MAML3: variants seen among roughly 807,000 people sequenced by gnomAD.
The protein encoded by MAML3 is mastermind-like protein 3.
MAML3 carries 27 observed loss-of-function variants against 101.9 expected under a neutral mutation model. The ratio of observed to expected loss-of-function variants is 0.27; its 90% CI spans 0.20 to 0.37. The LOEUF is 0.37. Ranked by LOEUF, MAML3 falls within the 10% of genes least tolerant of loss-of-function variation. The pLI is 1.00. For synonymous variants in MAML3, 501 were observed against 555.9 expected, an observed-to-expected ratio of 0.90 and a Z score of 1.39; for missense variants, 1,316 against 1,444.9, an observed-to-expected ratio of 0.91 and a Z score of 1.45.
At chr4:140,123,289 G>T (rs1372827936) in intron 1 of MAML3, among the ~76,000 whole-genome samples, 1 of 151,794 alleles carries the variant, frequency 6.6e-6, no homozygotes, top group African/African-American at 2.4e-5. Context: ...TATTTATAAG[G>T]GATTGACAAT....
intron 4 of MAML3, among the ~76,000 whole-genome samples, chr4:139,722,119 G>A (rs1294623115): frequency 6.6e-6 from 1 of 152,186 alleles, no homozygotes; most frequent in Non-Finnish European, 1.5e-5. Flanking sequence ...ACTAGATACT[G>A]TCTGGAATAA....
intron 1 of MAML3, among the ~76,000 whole-genome samples, chr4:139,935,543 A>T (rs1028108394): frequency 6.6e-6 from 1 of 151,712 alleles, no homozygotes; most frequent in Admixed American, 6.6e-5. Flanking sequence ...AATCCATCAC[A>T]TCAAATATTG....
At chr4:140,131,928 T>C (rs1262894875) in intron 1 of MAML3, among the ~76,000 whole-genome samples, 1 of 152,258 alleles carries the variant, frequency 6.6e-6, no homozygotes, top group African/African-American at 2.4e-5. Context: ...CTCCAGTCTC[T>C]ATTTGAGACA....
At chr4:139,870,369 G>A (rs1182742308) in intron 2 of MAML3, among the ~76,000 whole-genome samples, 1 of 152,134 alleles carries the variant, frequency 6.6e-6, no homozygotes, top group Non-Finnish European at 1.5e-5. Flanking sequence ...TGTCCAGTTG[G>A]TGATTGGGGA....
At chr4:139,934,433 CA>C (rs890139493) in intron 1 of MAML3, among the ~76,000 whole-genome samples, 4 of 151,972 alleles carry the variant, frequency 2.6e-5, no homozygotes, top group Admixed American at 1.3e-4. Flanking sequence ...ACTGGAAATA[CA>C]GATTAACATG....
At chr4:139,855,945 T>C (rs572830990) in intron 2 of MAML3, among the ~76,000 whole-genome samples, 1 of 152,330 alleles carries the variant, frequency 6.6e-6, no homozygotes, top group Non-Finnish European at 1.5e-5. Flanking sequence ...TCTTTAACAC[T>C]GTTTGGATCC....
At chr4:140,051,984 G>T (rs1387300187) in intron 1 of MAML3, among the ~76,000 whole-genome samples, 1 of 152,178 alleles carries the variant, frequency 6.6e-6, no homozygotes, top group African/African-American at 2.4e-5. Context: ...ACCCCTGTGT[G>T]TTAATTTGTG....
At chr4:139,924,566 C>A (rs1294861035) in intron 1 of MAML3, among the ~76,000 whole-genome samples, 1 of 152,150 alleles carries the variant, frequency 6.6e-6, no homozygotes, top group Non-Finnish European at 1.5e-5. Flanking sequence ...AAACAGAAGT[C>A]ATATCCTATT....
At chr4:139,806,583 C>G (rs919745617) in intron 2 of MAML3, among the ~76,000 whole-genome samples, 1 of 150,938 alleles carries the variant, frequency 6.6e-6, no homozygotes, top group Non-Finnish European at 1.5e-5. Flanking sequence ...AACTTCCAAC[C>G]CAGAAATTGC....
intron 1 of MAML3, among the ~76,000 whole-genome samples, chr4:140,137,038 G>C (rs977456030): frequency 4.6e-5 from 7 of 152,326 alleles, no homozygotes; most frequent in Admixed American, 2.0e-4. Context: ...GCCCAGGCTG[G>C]ACTGCAGTGG....
chr4:139,813,868 C>G (rs188424887), intron 2 of MAML3, among the ~76,000 whole-genome samples: 2 of 152,242 alleles, frequency 1.3e-5, no homozygotes, highest in African/African-American at 4.8e-5. Context: ...GAAGATTCAC[C>G]CTTCTGATGA....
chr4:140,112,916 T>C (rs567817408), intron 1 of MAML3, among the ~76,000 whole-genome samples: 5 of 152,346 alleles, frequency 3.3e-5, no homozygotes, highest in Admixed American at 6.5e-5. Context: ...GAAACTTGCA[T>C]GCAATGCTCA....
intron 1 of MAML3, among the ~76,000 whole-genome samples, chr4:140,001,286 G>A (rs1734919279): frequency 6.6e-6 from 1 of 152,176 alleles, no homozygotes; most frequent in African/African-American, 2.4e-5. Flanking sequence ...AATGAAACCA[G>A]TTTGAAGGCT....
chr4:140,147,792 A>G (rs920526613), intron 1 of MAML3, among the ~76,000 whole-genome samples: 1 of 152,238 alleles, frequency 6.6e-6, no homozygotes, highest in Non-Finnish European at 1.5e-5. Context: ...CTTAACAAAC[A>G]GGGAACAGTA....
chr4:139,936,575 T>C (rs184733675), intron 1 of MAML3, among the ~76,000 whole-genome samples: 2 of 152,332 alleles, frequency 1.3e-5, no homozygotes, highest in East Asian at 3.9e-4. Flanking sequence ...CACACACTTG[T>C]AGTTCCACCT....
intron 1 of MAML3, among the ~76,000 whole-genome samples, chr4:139,949,888 T>C (rs901475489): frequency 6.6e-6 from 1 of 152,184 alleles, no homozygotes; most frequent in African/African-American, 2.4e-5. Context: ...GTAAAGCAGA[T>C]TACTCTCTAT....
At chr4:140,090,840 T>A (rs960884054) in intron 1 of MAML3, among the ~76,000 whole-genome samples, 1 of 152,110 alleles carries the variant, frequency 6.6e-6, no homozygotes, top group African/African-American at 2.4e-5. Flanking sequence ...AACTTAAGGT[T>A]GCAAGTTTGA....
chr4:139,873,734 A>C (rs536665669), intron 2 of MAML3, among the ~76,000 whole-genome samples: 1 of 152,318 alleles, frequency 6.6e-6, no homozygotes, highest in Admixed American at 6.5e-5. Context: ...AGGGAGCCAC[A>C]TATGAAGTAG....
At chr4:139,929,130 G>A (rs1412977347) in intron 1 of MAML3, among the ~76,000 whole-genome samples, 2 of 152,166 alleles carry the variant, frequency 1.3e-5, no homozygotes, top group Non-Finnish European at 2.9e-5. Flanking sequence ...CCCCCCAAAT[G>A]CAGAGTTGAG....
Sources: gnomAD v4.1 joint callset for allele counts (sites outside exome capture counted in the v4.1 genomes callset) on GRCh38, gnomAD v4.1.1 for gene constraint, MANE v1.5 for transcripts, NCBI Gene and HGNC (gene_info 2026-07-23, HGNC 2026-07-21) for gene names.